BAHCC1: variants seen among roughly 807,000 people sequenced by gnomAD.
BAHCC1 encodes BAH and coiled-coil domain-containing protein 1.
A neutral mutation model predicts 88.2 loss-of-function variants in BAHCC1; 43 were observed. That is an observed-to-expected ratio of 0.49 (90% CI 0.38 to 0.63). The LOEUF (loss-of-function observed/expected upper bound fraction) is 0.63. Among genes scored for constraint, BAHCC1 ranks in the 20% least tolerant of loss-of-function variants. The probability of loss-of-function intolerance (pLI) is 0.00; values close to 1 mark genes in which losing one functional copy is unlikely to be tolerated. For synonymous variants in BAHCC1, 1,510 were observed against 745.5 expected, an observed-to-expected ratio of 2.03 and a Z score of -16.71; for missense variants, 3,023 against 1,654.8, an observed-to-expected ratio of 1.83 and a Z score of -14.34.
chr17:81,463,771 C>A lies in BAHCC1; in HGVS notation c.7781C>A (p.Thr2594Asn), dbSNP rs1555660115. 1.3e-6 allele frequency: 1 copy of A among 767,356 alleles called. No homozygotes were observed. The highest frequency in any genetic ancestry group is 1.7e-5 in the African/African-American group (1 of 58,930). The allele number at this position is 767,356 out of a possible 1,614,324, so 47.5% of individuals were successfully genotyped here. The stretch of plus-strand genomic sequence containing the variant: ...TACCTGGCGGGCACCTACGACCCCA[C>A]CACCGGGCGCCTGGTGACGGCTGAT... ...LYYLAGTYDP[T>N]TGRLVTADGV... is the part of the protein sequence containing the mutation. Residue 2594 changes from threonine (T) to asparagine (N), a missense_variant, in exon 28 of 28, where the codon ACC becomes AAC. Physicochemically the swap from Thr to Asn is moderately conservative, Grantham distance 65 (BLOSUM62 0). Coordinates refer to ENST00000675386, the MANE Select transcript of BAHCC1 (RefSeq NM_001377448.1).
chr17:81,458,301 C>T lies in BAHCC1; in HGVS notation c.5178C>T (p.Gly1726=), dbSNP rs782709584. The T allele has an allele frequency of 1.3e-6, 1 of 750,362 alleles. No individual in the cohort carries two copies. Among genetic ancestry groups the T allele is most frequent in the South Asian group, 1.4e-5 (1 of 70,192 alleles). The allele number at this position is 750,362 out of a possible 1,614,324, so 46.5% of individuals were successfully genotyped here. A position where few individuals can be genotyped will look rare whatever the true frequency, so the allele number is the denominator to read the frequency against. Residue 1726 remains glycine, a synonymous_variant, in exon 18 of 28, where the codon GGC becomes GGT. Transcript: ENST00000675386. ...CGCTGGGCAAGAAGAAAGCCAAGGG[C>T]AAGGCCAAGGGCAGCCTGCGGGCAG... ...PGALGKKKAK[G]KAKGSLRAEP... is the part of the protein sequence containing the mutation.
At chr17:81,424,961 CATGATGTGGTTGGT>C (rs2064158893) in intron 2 of BAHCC1, among the ~76,000 whole-genome samples, 1 of 74,580 alleles carries the variant, frequency 1.3e-5, no homozygotes, top group East Asian at 4.8e-4. Flanking sequence ...ATGTGGTTGG[CATGATGTGGTTGGT>C]GTGATGTGGT....
intron 11 of BAHCC1, among the ~76,000 whole-genome samples, chr17:81,449,359 C>G (rs141794423): frequency 5.7e-4 from 87 of 152,180 alleles, no homozygotes; most frequent in African/African-American, 2.0e-3. Context: ...AGAGCTGATC[C>G]CTACAAGTGT....
At chr17:81,457,369 C>T (rs553934723) in intron 16 of BAHCC1, 41 bp from the exon 17 acceptor site, 5 of 740,342 alleles carry the variant, frequency 6.8e-6, no homozygotes, top group South Asian at 5.8e-5. Context: ...AATGGCACAG[C>T]TTACCATCAA....
At chr17:81,404,159 A>AATAACATGG (rs1183109039) in intron 2 of BAHCC1, among the ~76,000 whole-genome samples, 3 of 152,218 alleles carry the variant, frequency 2.0e-5, no homozygotes, top group Non-Finnish European at 2.9e-5. Flanking sequence ...AGGCTGTTAG[A>AATAACATGG]ATAACATGGA....
chr17:81,462,875 G>A lies in BAHCC1; in HGVS notation c.7519G>A (p.Glu2507Lys), dbSNP rs782534609. 7.9e-5 allele frequency: 62 copies of A among 784,724 alleles called. No individual in the cohort carries two copies. Among genetic ancestry groups the A allele is most frequent in the Non-Finnish European group, 6.9e-5 (29 of 421,874 alleles). The allele number at this position is 784,724 out of a possible 1,614,324, so 48.6% of individuals were successfully genotyped here. Residue 2507 changes from glutamate (E) to lysine (K), a missense_variant, in exon 27 of 28, where the codon GAG becomes AAG. By Grantham distance (56) the Glu-to-Lys change is moderately conservative. Transcript: ENST00000675386. ...CAACCTCCCCTACATCGGCCGCATC[G>A]AGAGCATGTGGGAGTCGTGGGGCAG... is the stretch of plus-strand genomic sequence containing the variant. ...RPNLPYIGRIESMWESWGSNM... is the reference protein window; with the variant it reads ...RPNLPYIGRIKSMWESWGSNM...
intron 3 of BAHCC1, among the ~76,000 whole-genome samples, chr17:81,429,842 C>T (rs1362506887): frequency 6.6e-6 from 1 of 152,168 alleles, no homozygotes; most frequent in East Asian, 1.9e-4. Context: ...CCCCAGGAAC[C>T]CCCCATGCCA....
rs781948494 is a variant in BAHCC1, at chr17:81,461,426, G to T, written c.6763G>T (p.Asp2255Tyr). The T allele has an allele frequency of 1.4e-6, 1 of 732,112 alleles. No individual in the cohort carries two copies. The highest frequency in any genetic ancestry group is 1.5e-5 in the South Asian group (1 of 68,346). The allele number at this position is 732,112 out of a possible 1,614,324, so 45.4% of individuals were successfully genotyped here. A position where few individuals can be genotyped will look rare whatever the true frequency, so the allele number is the denominator to read the frequency against. Residue 2255 changes from aspartate to tyrosine, a missense_variant, in exon 26 of 28, where the codon GAC (aspartate) becomes TAC (tyrosine). Transcript: ENST00000675386. ...SYVHPALVGKDKKGRAPIPPL... is the reference protein window; with the variant it reads ...SYVHPALVGKYKKGRAPIPPL... ...TGTGCACCCGGCCCTTGTGGGCAAG[G>T]ACAAGAAGGGGCGGGCACCCATCCC...
rs953123860 is a variant in BAHCC1 at position 81,445,005 on chromosome 17, C to T, written c.2672-10C>T. On this transcript the variant is annotated splice_polypyrimidine_tract_variant and intron_variant, in intron 8 of 27. Coordinates refer to ENST00000675386, the MANE Select transcript of BAHCC1 (RefSeq NM_001377448.1). Reference sequence around the variant, plus strand: ...CAGCCAGGCTGACCCCTCCTGGGCCCTGCCCACAGCGGATGTCATGGACCA... The same window carrying T: ...CAGCCAGGCTGACCCCTCCTGGGCCTTGCCCACAGCGGATGTCATGGACCA... 5 of 752,072 alleles carry T rather than the reference C, an allele frequency of 6.6e-6. No individual in the cohort carries two copies. Among genetic ancestry groups the T allele is most frequent in the Non-Finnish European group, 9.8e-6 (4 of 407,416 alleles). The allele number at this position is 752,072 out of a possible 1,614,324, so 46.6% of individuals were successfully genotyped here. A position where few individuals can be genotyped will look rare whatever the true frequency, so the allele number is the denominator to read the frequency against.
At chr17:81,460,803 G>A (rs2030186857) in intron 25 of BAHCC1, 63 bp from the exon 26 acceptor site, 1 of 769,580 alleles carries the variant, frequency 1.3e-6, no homozygotes, top group Admixed American at 1.7e-5. Context: ...GTCCGGGGAG[G>A]GGCAGGTGGA....
In BAHCC1 at chr17:81,434,216, C is replaced by T. The variant is rs72853241; in HGVS notation, c.359-4154C>T. Among the ~76,000 whole-genome samples the T allele has an allele frequency of 0.058, 8,865 of 152,252 alleles. 306 individuals carry two copies. The highest frequency in any genetic ancestry group is 0.12 in the Middle Eastern group (36 of 294). On this transcript the variant is annotated intron_variant, in intron 3 of 27. Coordinates refer to ENST00000675386, the MANE Select transcript of BAHCC1 (RefSeq NM_001377448.1). This position sits in a 1 kb window ranked among gnomAD's most constrained non-coding sequence, Gnocchi z 4.9. The stretch of plus-strand genomic sequence containing the variant: ...TTGAGACAGTGCCCACAGCCTCCCA[C>T]GTTCCCCAGGGCCTCCCAGGCTGGC...
At chr17:81,449,841 G>A (rs773980936) in intron 11 of BAHCC1, among the ~76,000 whole-genome samples, 19 of 152,256 alleles carry the variant, frequency 1.2e-4, no homozygotes, top group Non-Finnish European at 2.6e-4. Flanking sequence ...GACTTCTGGG[G>A]ATGGATCAAC....
chr17:81,463,769 C>G lies in BAHCC1; in HGVS notation c.7779C>G (p.Pro2593=), dbSNP rs2030505644. ...DLYYLAGTYD[P]TTGRLVTADG... Reference sequence around the variant, plus strand: ...ACTACCTGGCGGGCACCTACGACCCCACCACCGGGCGCCTGGTGACGGCTG... The same window carrying G: ...ACTACCTGGCGGGCACCTACGACCCGACCACCGGGCGCCTGGTGACGGCTG... The change falls in exon 28 of 28, where the codon CCC becomes CCG. Residue 2593 remains proline, a synonymous_variant. Coordinates refer to ENST00000675386, the MANE Select transcript of BAHCC1 (RefSeq NM_001377448.1). The G allele has an allele frequency of 1.3e-6, 1 of 768,084 alleles. No individual in the cohort carries two copies. The highest frequency in any genetic ancestry group is 2.4e-6 in the Non-Finnish European group (1 of 414,394). The allele number at this position is 768,084 out of a possible 1,614,324, so 47.6% of individuals were successfully genotyped here.
At chr17:81,455,158 C>G in intron 14 of BAHCC1, 109 bp from the exon 15 acceptor site, 4 of 642,226 alleles carry the variant, frequency 6.2e-6, no homozygotes, top group Non-Finnish European at 1.1e-5. Flanking sequence ...GACGTGGGGC[C>G]CTTGGAGGAG....
rs782612110 is a variant in BAHCC1, at chr17:81,445,451, C to T, written c.2933C>T (p.Pro978Leu). Residue 978 changes from proline to leucine, a missense_variant, in exon 10 of 28, where the codon CCG (proline) becomes CTG (leucine). Transcript: ENST00000675386. ...HKPVALTPTAPGAPSPAAGPT... is the reference protein window; with the variant it reads ...HKPVALTPTALGAPSPAAGPT... ...CCAGTTGCCTTAACCCCCACGGCCC[C>T]GGGCGCCCCCTCACCCGCTGCAGGC... 6.5e-6 allele frequency: 5 copies of T among 765,354 alleles called. No individual in the cohort carries two copies. In the East Asian group the frequency reaches 9.9e-5, roughly 15 times the overall value. The allele number at this position is 765,354 out of a possible 1,614,324, so 47.4% of individuals were successfully genotyped here.
intron 2 of BAHCC1, among the ~76,000 whole-genome samples, chr17:81,416,478 TGTCC>T (rs2064029912): frequency 6.7e-6 from 1 of 150,344 alleles, no homozygotes; most frequent in Non-Finnish European, 1.5e-5. Flanking sequence ...TGTGTGTGTG[TGTCC>T]ATGAGGATGG....
chr17:81,437,157 G>C (rs1409739369), intron 3 of BAHCC1, among the ~76,000 whole-genome samples: 3 of 151,926 alleles, frequency 2.0e-5, no homozygotes, highest in Non-Finnish European at 4.4e-5. Context: ...AGGGCCCCCC[G>C]CCCTGCCCCG....
chr17:81,440,039 G>A (rs1256343165), intron 4 of BAHCC1, among the ~76,000 whole-genome samples: 1 of 152,166 alleles, frequency 6.6e-6, no homozygotes, highest in Non-Finnish European at 1.5e-5. Context: ...GAGCAGGCAT[G>A]GGGGCCAGGA....
chr17:81,431,225 C>T (rs1309405360), intron 3 of BAHCC1, among the ~76,000 whole-genome samples: 1 of 152,138 alleles, frequency 6.6e-6, no homozygotes, highest in Admixed American at 6.5e-5. Flanking sequence ...CCCTCCCATA[C>T]CCTCGGCCCC....
Sources: allele counts gnomAD v4.1 joint callset (sites outside exome capture counted in the v4.1 genomes callset), GRCh38; gene constraint gnomAD v4.1.1; non-coding constraint Gnocchi (gnomAD v3.1); transcripts MANE v1.5; gene names NCBI Gene and HGNC (gene_info 2026-07-23, HGNC 2026-07-21).